The following NPIPA7 variants were observed in gnomAD, a reference collection of about 807,000 sequenced individuals.
The protein encoded by NPIPA7 is nuclear pore complex-interacting protein family member A7.
At chr16:16,387,961 G>C (rs2050198230) in intron 4 of NPIPA7, among the ~76,000 whole-genome samples, 155 bp downstream of exon 4, 1 of 69,850 alleles carries the variant, frequency 1.4e-5, no homozygotes, top group Non-Finnish European at 2.5e-5. Context: ...AGTTTAAGCT[G>C]TATAATTCCT....
At chr16:16,387,060 TTG>T (rs374685325) in intron 2 of NPIPA7, among the ~76,000 whole-genome samples, 33,950 of 99,916 alleles carry the variant, frequency 0.34, 2,791 homozygotes, top group East Asian at 0.46. Context: ...ATGTCATTCT[TTG>T]TGTGTGTGTG....
intron 4 of NPIPA7, among the ~76,000 whole-genome samples, chr16:16,388,543 T>C (rs2050226470): frequency 1.5e-5 from 1 of 68,210 alleles, no homozygotes; most frequent in South Asian, 4.9e-4. Context: ...TTTTTTTTTT[T>C]TTTTTGAGAC....
intron 2 of NPIPA7, among the ~76,000 whole-genome samples, chr16:16,386,105 G>A (rs1344301193): frequency 2.0e-4 from 18 of 88,588 alleles, no homozygotes; most frequent in Admixed American, 6.9e-4. Context: ...TAATATCTTC[G>A]AAGATTAAAA....
chr16:16,387,008 C>A (rs1178828298), intron 2 of NPIPA7, among the ~76,000 whole-genome samples: 5 of 145,434 alleles, frequency 3.4e-5, no homozygotes, highest in African/African-American at 9.9e-5. Flanking sequence ...CTCGGCCTCC[C>A]AAAGTACTGG....
At chr16:16,388,266 C>T (rs1298458699) in intron 4 of NPIPA7, among the ~76,000 whole-genome samples, 5 of 39,136 alleles carry the variant, frequency 1.3e-4, no homozygotes, top group Admixed American at 2.9e-4. Context: ...AGGCTGATCT[C>T]GAACTTCTGA....
intron 4 of NPIPA7, among the ~76,000 whole-genome samples, chr16:16,388,534 T>C (rs2050226269): frequency 1.4e-5 from 1 of 70,888 alleles, no homozygotes; most frequent in Non-Finnish European, 2.8e-5. Flanking sequence ...TTTTTTTTTT[T>C]TTTTTTTTTT....
rs1219675815 is a variant in NPIPA7, at chr16:16,387,000, C to T, written c.193-399C>T. On this transcript the variant is annotated intron_variant, in intron 2 of 7. Coordinates refer to ENST00000530217, the Ensembl canonical transcript of NPIPA7. ...CCGACCTCAGGTGATCCGCCTGCCT[C>T]GGCCTCCCAAAGTACTGGGATTACA... Among the ~76,000 whole-genome samples, 20 of 145,620 alleles carry T rather than the reference C, an allele frequency of 1.4e-4. 1 individual carries two copies. Among genetic ancestry groups the T allele is most frequent in the South Asian group, 4.4e-4 (2 of 4,506 alleles).
intron 4 of NPIPA7, among the ~76,000 whole-genome samples, chr16:16,388,051 C>CTTTT (rs1252652575): frequency 2.2e-5 from 1 of 44,716 alleles, no homozygotes; most frequent in Non-Finnish European, 3.5e-5. Flanking sequence ...CTTTCTCTCT[C>CTTTT]TTTTTTTTTT....
At chr16:16,386,650 A>G (rs1242885769) in intron 2 of NPIPA7, among the ~76,000 whole-genome samples, 4 of 117,516 alleles carry the variant, frequency 3.4e-5, no homozygotes, top group African/African-American at 9.3e-5. Flanking sequence ...GGGTTTCACC[A>G]TGTTGCCCAG....
At chr16:16,388,052 T>TC (rs1491341866) in intron 4 of NPIPA7, among the ~76,000 whole-genome samples, 7 of 21,394 alleles carry the variant, frequency 3.3e-4, no homozygotes, top group African/African-American at 1.5e-3. Flanking sequence ...TTTCTCTCTC[T>TC]TTTTTTTTTT....
At chr16:16,381,994 C>T (rs1230659548) in intron 1 of NPIPA7, among the ~76,000 whole-genome samples, 7 of 58,104 alleles carry the variant, frequency 1.2e-4, no homozygotes, top group African/African-American at 3.5e-4. Context: ...CCACCCACCT[C>T]GGCTTCCCAA....
chr16:16,388,056 T>A (rs1301285579), intron 4 of NPIPA7, among the ~76,000 whole-genome samples: 1 of 80,366 alleles, frequency 1.2e-5, no homozygotes, highest in Non-Finnish European at 2.3e-5. Context: ...TCTCTCTTTT[T>A]TTTTTTTTTT....
At chr16:16,388,051 CTTTT>C (rs1252652575) in intron 4 of NPIPA7, among the ~76,000 whole-genome samples, 1 of 44,718 alleles carries the variant, frequency 2.2e-5, no homozygotes, top group Non-Finnish European at 3.5e-5. Context: ...CTTTCTCTCT[CTTTT>C]TTTTTTTTTT....
At position 16,386,404 on chromosome 16, in the gene NPIPA7, G is replaced by A. The variant is rs1308097051; in HGVS notation, c.193-995G>A. On this transcript the variant is annotated intron_variant, in intron 2 of 7. Coordinates refer to ENST00000530217, the Ensembl canonical transcript of NPIPA7. ...ACAAGATGATAATTACCATCTAACC[G>A]TGTTGAAGTGTACAGTTCAGTTGTG... 1.1e-3 allele frequency among the ~76,000 whole-genome samples: 144 copies of A among 134,194 alleles called. 2 individuals carry two copies. The highest frequency in any genetic ancestry group is 1.8e-3 in the Non-Finnish European group (109 of 61,616). 88.0% of individuals were successfully genotyped at this position (134,194 alleles called of 152,430 possible).
At chr16:16,386,695 G>A (rs1470905272) in intron 2 of NPIPA7, among the ~76,000 whole-genome samples, 8 of 129,060 alleles carry the variant, frequency 6.2e-5, no homozygotes, top group East Asian at 4.6e-4. Context: ...TGATTCACCC[G>A]CCTCGGCCTC....
intron 4 of NPIPA7, among the ~76,000 whole-genome samples, chr16:16,388,460 G>A (rs1490825454): frequency 2.1e-3 from 31 of 14,704 alleles, no homozygotes; most frequent in African/African-American, 9.8e-3. Flanking sequence ...CCAGTTTGAA[G>A]CAATTCTGCC....
chr16:16,386,577 G>C (rs1201863799), intron 2 of NPIPA7, among the ~76,000 whole-genome samples: 3 of 102,384 alleles, frequency 2.9e-5, no homozygotes, highest in African/African-American at 1.1e-4. Flanking sequence ...AGCCTCCCGA[G>C]TAGCTGGGAC....
intron 2 of NPIPA7, among the ~76,000 whole-genome samples, chr16:16,387,037 C>T (rs1292701991): frequency 1.4e-5 from 2 of 138,034 alleles, no homozygotes; most frequent in Admixed American, 1.5e-4. Flanking sequence ...GAGTGAGCCA[C>T]CCTGCCAGCC....
At chr16:16,388,043 TTC>T (rs372650480) in intron 4 of NPIPA7, among the ~76,000 whole-genome samples, 1,060 of 45,970 alleles carry the variant, frequency 0.023, 285 homozygotes, top group African/African-American at 0.09. Flanking sequence ...TGGTTTTCCT[TTC>T]TCTCTCTTTT....
Sources: gnomAD v4.1 joint callset for allele counts (sites outside exome capture counted in the v4.1 genomes callset) on GRCh38, gnomAD v4.1.1 for gene constraint, MANE v1.5 for transcripts, NCBI Gene and HGNC (gene_info 2026-07-23, HGNC 2026-07-21) for gene names.